Variants in MDGA2 observed in about 807,000 individuals in gnomAD.
MDGA2 encodes MAM domain containing glycosylphosphatidylinositol anchor 2, also known as MAM domain-containing glycosylphosphatidylinositol anchor protein 2.
A neutral mutation model predicts 117.8 loss-of-function variants in MDGA2; 40 were observed. The ratio of observed to expected loss-of-function variants is 0.34; its 90% CI spans 0.26 to 0.44. The LOEUF is 0.44. Among genes scored for constraint, MDGA2 ranks in the 20% least tolerant of loss-of-function variants. The pLI, the probability that MDGA2 is intolerant of heterozygous loss-of-function variation, is 1.00. For synonymous variants in MDGA2, 452 were observed against 439.0 expected (o/e 1.03, Z -0.37); for missense variants, 1,123 against 1,250.6 (o/e 0.90, Z 1.54).
At chr14:47,257,295 G>C (rs968277561) in intron 2 of MDGA2, among the ~76,000 whole-genome samples, 1 of 152,002 alleles carries the variant, frequency 6.6e-6, no homozygotes, top group East Asian at 1.9e-4. Flanking sequence ...GGTAATATTT[G>C]TGTGATCTCA....
chr14:47,261,203 C>G (rs983040030), intron 2 of MDGA2, among the ~76,000 whole-genome samples: 6 of 152,058 alleles, frequency 3.9e-5, no homozygotes, highest in African/African-American at 1.4e-4. Context: ...TCCTCAATAT[C>G]ATGTTCTTCA....
At chr14:47,389,606 C>CCACA (rs200077028) in intron 1 of MDGA2, among the ~76,000 whole-genome samples, 5 of 96,386 alleles carry the variant, frequency 5.2e-5, no homozygotes, top group Admixed American at 9.1e-5. Context: ...ACACACACAC[C>CCACA]CACACACACA....
intron 4 of MDGA2, among the ~76,000 whole-genome samples, chr14:47,136,815 C>G (rs1410267668): frequency 6.6e-6 from 1 of 152,106 alleles, no homozygotes; most frequent in Admixed American, 6.6e-5. Flanking sequence ...GCTTCCTGAA[C>G]CATGTTGACT....
chr14:47,376,009 T>C (rs1319176947), intron 1 of MDGA2, among the ~76,000 whole-genome samples: 1 of 152,172 alleles, frequency 6.6e-6, no homozygotes, highest in Non-Finnish European at 1.5e-5. Flanking sequence ...GATTATTCCA[T>C]GTAATGCATG....
intron 3 of MDGA2, among the ~76,000 whole-genome samples, chr14:47,169,858 C>G (rs748153520): frequency 2.4e-4 from 37 of 151,958 alleles, no homozygotes; most frequent in Non-Finnish European, 4.6e-4. Context: ...ATAATTTCCT[C>G]TAAAATATAA....
intron 1 of MDGA2, among the ~76,000 whole-genome samples, chr14:47,347,329 TGAGAGTGGTATGTACTTTA>T (rs1287574936): frequency 2.0e-5 from 3 of 152,138 alleles, no homozygotes; most frequent in Non-Finnish European, 4.4e-5. Flanking sequence ...TGCCCGTATT[TGAGAGTGGTATGTACTTTA>T]GAAAAAGGCA....
At chr14:46,999,178 AG>A (rs1351649145) in intron 8 of MDGA2, among the ~76,000 whole-genome samples, 2 of 151,936 alleles carry the variant, frequency 1.3e-5, no homozygotes, top group African/African-American at 4.8e-5. Context: ...TGGAATCAGA[AG>A]GCAAAAATTC....
intron 5 of MDGA2, among the ~76,000 whole-genome samples, chr14:47,113,851 C>A (rs774291974): frequency 1.1e-4 from 17 of 152,108 alleles, no homozygotes; most frequent in Non-Finnish European, 1.8e-4. Context: ...CAGCACAAGA[C>A]AAGAATGCCA....
At chr14:47,436,306 G>T (rs1253340364) in intron 1 of MDGA2, among the ~76,000 whole-genome samples, 1 of 152,054 alleles carries the variant, frequency 6.6e-6, no homozygotes, top group Admixed American at 6.6e-5. Flanking sequence ...TGTAGCAAGG[G>T]TTAGAAATAG....
At chr14:46,862,613 C>CA (rs1881557557) in intron 14 of MDGA2, among the ~76,000 whole-genome samples, 1 of 151,722 alleles carries the variant, frequency 6.6e-6, no homozygotes, top group Non-Finnish European at 1.5e-5. Context: ...GCCACATTTA[C>CA]ATGAATTAAT....
chr14:47,107,875 G>C (rs1373350863), intron 5 of MDGA2, among the ~76,000 whole-genome samples: 1 of 151,588 alleles, frequency 6.6e-6, no homozygotes, highest in Non-Finnish European at 1.5e-5. Flanking sequence ...CTCAAAATAA[G>C]TAGAGGCCTT....
intron 1 of MDGA2, among the ~76,000 whole-genome samples, chr14:47,306,801 AAGAC>A (rs769636710): frequency 4.0e-5 from 6 of 150,942 alleles, no homozygotes; most frequent in Middle Eastern, 3.4e-3. Context: ...TGATATTTTG[AAGAC>A]AGACAGAGAG....
intron 10 of MDGA2, among the ~76,000 whole-genome samples, chr14:46,895,851 G>A (rs914227650): frequency 4.6e-5 from 7 of 151,940 alleles, no homozygotes; most frequent in African/African-American, 9.7e-5. Context: ...CTGCAATGCC[G>A]CCTGTCCCTT....
intron 1 of MDGA2, among the ~76,000 whole-genome samples, chr14:47,566,992 T>A (rs1895931528): frequency 6.6e-6 from 1 of 151,836 alleles, no homozygotes; most frequent in Non-Finnish European, 1.5e-5. Context: ...CATTGCAGCC[T>A]CAAACTCCTG....
chr14:47,419,938 A>G (rs1892545352), intron 1 of MDGA2, among the ~76,000 whole-genome samples: 1 of 152,110 alleles, frequency 6.6e-6, no homozygotes, highest in Admixed American at 6.6e-5. Flanking sequence ...AGAATAATCC[A>G]AAAATTAAAA....
chr14:47,636,104 C>G (rs568878164), intron 1 of MDGA2, among the ~76,000 whole-genome samples: 1 of 152,018 alleles, frequency 6.6e-6, no homozygotes, highest in East Asian at 1.9e-4. Flanking sequence ...CAGTAAAGGA[C>G]AAATAATTTC....
At chr14:47,552,608 TC>T (rs1895603943) in intron 1 of MDGA2, among the ~76,000 whole-genome samples, 1 of 152,184 alleles carries the variant, frequency 6.6e-6, no homozygotes, top group Admixed American at 6.5e-5. Flanking sequence ...CACCATCTTT[TC>T]ACCCCTGAAC....
chr14:46,864,545 GTTTTTTTTTTT>G (rs71112467), intron 14 of MDGA2, among the ~76,000 whole-genome samples: 65 of 51,476 alleles, frequency 1.3e-3, no homozygotes, highest in African/African-American at 3.6e-3. Context: ...AGATATTGCT[GTTTTTTTTTTT>G]TTTTTTTTTT....
chr14:47,326,015 G>T (rs1890132755), intron 1 of MDGA2, among the ~76,000 whole-genome samples: 1 of 152,114 alleles, frequency 6.6e-6, no homozygotes, highest in African/African-American at 2.4e-5. Context: ...ATTTGAGCAT[G>T]TTGAGGATGA....
Sources: gnomAD v4.1 joint callset for allele counts (sites outside exome capture counted in the v4.1 genomes callset) on GRCh38, gnomAD v4.1.1 for gene constraint, MANE v1.5 for transcripts, NCBI Gene and HGNC (gene_info 2026-07-23, HGNC 2026-07-21) for gene names.